The following CTNND2 variants were observed in gnomAD, a reference collection of about 807,000 sequenced individuals.
CTNND2 encodes catenin delta-2.
CTNND2 carries 22 observed loss-of-function variants against 144.4 expected under a neutral mutation model. That is an observed-to-expected ratio of 0.15 (90% confidence interval 0.11 to 0.22). The LOEUF (loss-of-function observed/expected upper bound fraction) is 0.22, where lower values mean the gene tolerates loss of function less well. Among genes scored for constraint, CTNND2 ranks in the 10% least tolerant of loss-of-function variants. CTNND2 has a pLI of 1.00. For synonymous variants in CTNND2, 751 were observed against 695.6 expected, an observed-to-expected ratio of 1.08 and a Z score of -1.25; for missense variants, 1,353 against 1,618.8, an observed-to-expected ratio of 0.84 and a Z score of 2.82.
chr5:11,416,084 T>TTCTTGC (rs1343707294), intron 3 of CTNND2, among the ~76,000 whole-genome samples: 1 of 152,210 alleles, frequency 6.6e-6, no homozygotes, highest in African/African-American at 2.4e-5. Flanking sequence ...CCTAAGGCAT[T>TTCTTGC]TCTTGCTCTT....
chr5:11,401,701 T>C (rs1760666096), intron 5 of CTNND2, among the ~76,000 whole-genome samples: 1 of 152,164 alleles, frequency 6.6e-6, no homozygotes, highest in Non-Finnish European at 1.5e-5. Flanking sequence ...GGTACAACCA[T>C]TCCCACTAAT....
At chr5:11,712,124 A>C (rs1355801218) in intron 2 of CTNND2, among the ~76,000 whole-genome samples, 1 of 152,214 alleles carries the variant, frequency 6.6e-6, no homozygotes, top group African/African-American at 2.4e-5. Flanking sequence ...GCATAAGGTC[A>C]AGTCAAACAA....
intron 2 of CTNND2, among the ~76,000 whole-genome samples, chr5:11,585,349 A>T (rs1343586215): frequency 6.6e-6 from 1 of 152,138 alleles, no homozygotes; most frequent in Non-Finnish European, 1.5e-5. Flanking sequence ...AATACTCACT[A>T]CTGTATCTGT....
chr5:11,116,673 T>C (rs1307678541), intron 13 of CTNND2, among the ~76,000 whole-genome samples: 1 of 152,232 alleles, frequency 6.6e-6, no homozygotes, highest in African/African-American at 2.4e-5. Flanking sequence ...TTTAGCATTG[T>C]GACATTTATT....
chr5:11,196,378 T>C (rs1214788082), intron 11 of CTNND2, among the ~76,000 whole-genome samples: 1 of 152,192 alleles, frequency 6.6e-6, no homozygotes, highest in Non-Finnish European at 1.5e-5. Flanking sequence ...TGTTCAACAT[T>C]TGCTCTCATC....
intron 10 of CTNND2, among the ~76,000 whole-genome samples, chr5:11,228,353 CA>C (rs564048343): frequency 0.048 from 1,270 of 26,698 alleles, 7 homozygotes; most frequent in South Asian, 0.085. Context: ...CTCTCTCTCT[CA>C]AAAAAAAAAA....
At chr5:11,776,865 T>C (rs1030487088) in intron 1 of CTNND2, among the ~76,000 whole-genome samples, 1 of 152,154 alleles carries the variant, frequency 6.6e-6, no homozygotes, top group Non-Finnish European at 1.5e-5. Context: ...CCTTAATAAG[T>C]GAAAAATTTT....
chr5:11,864,883 CTTTTTTTTTTTTTTT>C (rs59068101), intron 1 of CTNND2, among the ~76,000 whole-genome samples: 4 of 56,700 alleles, frequency 7.1e-5, no homozygotes, highest in South Asian at 1.2e-3. Context: ...CTTCTTCTTC[CTTTTTTTTTTTTTTT>C]TTTTTTTTTT....
At chr5:11,767,266 T>C (rs1561778446) in intron 1 of CTNND2, among the ~76,000 whole-genome samples, 1 of 152,232 alleles carries the variant, frequency 6.6e-6, no homozygotes, top group African/African-American at 2.4e-5. Context: ...CCATCAGTGC[T>C]TCAATAGTGT....
At chr5:11,142,265 C>T (rs966306112) in intron 12 of CTNND2, among the ~76,000 whole-genome samples, 10 of 152,206 alleles carry the variant, frequency 6.6e-5, no homozygotes, top group Non-Finnish European at 1.5e-5. Flanking sequence ...ACTCTAGCCA[C>T]AGAAAGCAAA....
chr5:11,662,149 ATATATATGTG>A (rs1410699181), intron 2 of CTNND2, among the ~76,000 whole-genome samples: 189 of 116,456 alleles, frequency 1.6e-3, no homozygotes, highest in Middle Eastern at 7.8e-3. Flanking sequence ...ATATATACAC[ATATATATGTG>A]TATATATGTG....
intron 3 of CTNND2, among the ~76,000 whole-genome samples, chr5:11,449,572 A>G (rs1346621018): frequency 6.6e-6 from 1 of 152,210 alleles, no homozygotes; most frequent in Non-Finnish European, 1.5e-5. Flanking sequence ...ATATCATGGA[A>G]TAATGACAGC....
rs1561829624 is a variant in CTNND2 at position 11,817,407 on chromosome 5, GAGGGAGAGAGAGAGAGAGAGAGAGA to G, written c.38-85160_38-85136del. Among the ~76,000 whole-genome samples the G allele has an allele frequency of 5.5e-4, 7 of 12,792 alleles. 2 individuals are homozygous for G. The highest frequency in any genetic ancestry group is 8.4e-4 in the Non-Finnish European group (6 of 7,150). The allele number at this position is 12,792 out of a possible 152,430, so 8.4% of individuals were successfully genotyped here. A position where few individuals can be genotyped will look rare whatever the true frequency, so the allele number is the denominator to read the frequency against. ...AGAGGGGGGAGAGAGAGAGAGAGAG[GAGGGAGAGAGAGAGAGAGAGAGAGA>G]GAGAGAGAGAGAGAGAGAGAGAGAG... On this transcript the variant is annotated intron_variant, in intron 1 of 21. Coordinates refer to ENST00000304623, the MANE Select transcript of CTNND2 (RefSeq NM_001332.4).
chr5:11,775,739 C>T (rs569213648), intron 1 of CTNND2, among the ~76,000 whole-genome samples: 149 of 152,252 alleles, frequency 9.8e-4, no homozygotes, highest in African/African-American at 3.4e-3. Context: ...AGCCTTGGGG[C>T]GCTGGGAGGA....
In CTNND2 at chr5:11,159,696, G is replaced by C; in HGVS notation, c.2039C>G (p.Ala680Gly). 6.2e-7 allele frequency: 1 copy of C among 1,612,386 alleles called. No homozygotes were observed. Among genetic ancestry groups the C allele is most frequent in the Non-Finnish European group, 8.5e-7 (1 of 1,179,318 alleles). Residue 680 changes from alanine (A) to glycine (G), a missense_variant, in exon 12 of 22, where the codon GCA becomes GGA. Physicochemically the swap from Ala to Gly is moderately conservative, Grantham distance 60 (BLOSUM62 0). Coordinates refer to ENST00000304623, the MANE Select transcript of CTNND2 (RefSeq NM_001332.4). The stretch of plus-strand genomic sequence containing the variant: ...GATAATCACCGCGTTGGTCAGTACT[G>C]CTAGGGCATCCTGGATGATTGGCAT... ...LKMPIIQDAL[A>G]VLTNAVIIPH...
chr5:11,699,642 A>G (rs1785328643), intron 2 of CTNND2, among the ~76,000 whole-genome samples: 1 of 152,206 alleles, frequency 6.6e-6, no homozygotes, highest in Non-Finnish European at 1.5e-5. Flanking sequence ...GGACAAGAAC[A>G]TAAAGAGAAG....
At chr5:11,341,647 A>G (rs1754286055) in intron 9 of CTNND2, among the ~76,000 whole-genome samples, 1 of 152,238 alleles carries the variant, frequency 6.6e-6, no homozygotes, top group South Asian at 2.1e-4. Flanking sequence ...GTTACATGGT[A>G]ACAAGTTACA....
intron 3 of CTNND2, among the ~76,000 whole-genome samples, chr5:11,443,862 T>C (rs1764559928): frequency 7.2e-6 from 1 of 139,510 alleles, no homozygotes; most frequent in Non-Finnish European, 1.5e-5. Context: ...ATCAAACTTA[T>C]TGGGTGGCAT....
chr5:11,264,695 C>T (rs1020511728), intron 9 of CTNND2, among the ~76,000 whole-genome samples: 1 of 152,130 alleles, frequency 6.6e-6, no homozygotes, highest in African/African-American at 2.4e-5. Flanking sequence ...TTTGGGAGGG[C>T]GAGGCAGGCG....
Sources: gnomAD v4.1 joint callset for allele counts (sites outside exome capture counted in the v4.1 genomes callset) on GRCh38, gnomAD v4.1.1 for gene constraint, MANE v1.5 for transcripts, NCBI Gene and HGNC (gene_info 2026-07-23, HGNC 2026-07-21) for gene names.